The following ADGRL3 variants were observed in gnomAD, a reference collection of about 807,000 sequenced individuals.
ADGRL3 encodes calcium-independent alpha-latrotoxin receptor 3.
In ADGRL3, 62 loss-of-function variants were observed where a neutral mutation model predicts 153.5. That is an observed-to-expected ratio of 0.40 (90% CI 0.33 to 0.50). The LOEUF is 0.50. ADGRL3 is among the 20% of genes least tolerant of loss of function. The pLI is 0.47. For synonymous variants in ADGRL3, 710 were observed against 672.5 expected, an observed-to-expected ratio of 1.06 and a Z score of -0.86; for missense variants, 1,641 against 1,859.4, an observed-to-expected ratio of 0.88 and a Z score of 2.16.
At chr4:61,747,871 G>A (rs140917494) in intron 8 of ADGRL3, among the ~76,000 whole-genome samples, 6,156 of 152,020 alleles carry the variant, frequency 0.04, 157 homozygotes, top group Non-Finnish European at 0.059. Flanking sequence ...AATCAAGCAG[G>A]AGAAGGAAAT....
chr4:61,989,627 A>G (rs1284460489), intron 19 of ADGRL3, among the ~76,000 whole-genome samples: 1 of 152,090 alleles, frequency 6.6e-6, no homozygotes, highest in East Asian at 1.9e-4. Context: ...AATTATCATC[A>G]TATCTAAGAA....
At chr4:61,250,475 A>G (rs569955102) in intron 1 of ADGRL3, among the ~76,000 whole-genome samples, 1 of 152,132 alleles carries the variant, frequency 6.6e-6, no homozygotes, top group Admixed American at 6.5e-5. Context: ...TGTAGCCTGG[A>G]TAGTAAGGGC....
At chr4:61,536,610 T>G (rs1299390935) in intron 4 of ADGRL3, among the ~76,000 whole-genome samples, 1 of 152,136 alleles carries the variant, frequency 6.6e-6, no homozygotes, top group Non-Finnish European at 1.5e-5. Context: ...ATCTTCTTGT[T>G]GCATTGAACC....
intron 9 of ADGRL3, among the ~76,000 whole-genome samples, chr4:61,859,131 A>G (rs2098313317): frequency 6.6e-6 from 1 of 152,100 alleles, no homozygotes; most frequent in African/African-American, 2.4e-5. Flanking sequence ...CCTTCTTTGT[A>G]TTTTTCAGTG....
chr4:61,247,837 A>G (rs1249965549), intron 1 of ADGRL3, among the ~76,000 whole-genome samples: 4 of 152,074 alleles, frequency 2.6e-5, no homozygotes, highest in African/African-American at 4.8e-5. Flanking sequence ...ATACATCAGG[A>G]GCAATTGTCA....
chr4:61,207,647 T>TA (rs1168989677), intron 1 of ADGRL3, among the ~76,000 whole-genome samples: 1 of 152,214 alleles, frequency 6.6e-6, no homozygotes, highest in East Asian at 1.9e-4. Context: ...ATGGTTGAAC[T>TA]AATTTACACT....
chr4:61,747,732 C>A (rs1319178990), intron 8 of ADGRL3, among the ~76,000 whole-genome samples: 6 of 148,934 alleles, frequency 4.0e-5, no homozygotes, highest in Admixed American at 6.7e-5. Context: ...CTATCTATGA[C>A]AAACCCACAG....
At chr4:61,988,050 TATC>T (rs2099091820) in intron 19 of ADGRL3, among the ~76,000 whole-genome samples, 1 of 152,124 alleles carries the variant, frequency 6.6e-6, no homozygotes, top group Non-Finnish European at 1.5e-5. Flanking sequence ...TGGAGATAAA[TATC>T]ATATTCCATC....
chr4:61,509,124 CTTTT>C (rs57550950), intron 3 of ADGRL3, among the ~76,000 whole-genome samples: 1 of 118,570 alleles, frequency 8.4e-6, no homozygotes. Context: ...CATATCACAT[CTTTT>C]TTTTTTTTTT....
intron 6 of ADGRL3, among the ~76,000 whole-genome samples, chr4:61,728,520 G>A (rs1299341389): frequency 6.6e-6 from 1 of 152,012 alleles, no homozygotes; most frequent in Non-Finnish European, 1.5e-5. Context: ...AGTATTTGTT[G>A]AAGAGAGAAA....
chr4:61,803,239 T>A (rs1373023462), intron 8 of ADGRL3, among the ~76,000 whole-genome samples: 1 of 152,162 alleles, frequency 6.6e-6, no homozygotes, highest in Non-Finnish European at 1.5e-5. Context: ...TGAGCCTTTG[T>A]TTATGGAAGA....
intron 2 of ADGRL3, among the ~76,000 whole-genome samples, chr4:61,494,955 C>A (rs1011191726): frequency 6.6e-6 from 1 of 152,064 alleles, no homozygotes; most frequent in East Asian, 1.9e-4. Flanking sequence ...CTACCACATG[C>A]CAGCACTGTT....
At chr4:61,366,790 G>A (rs2151603499) in intron 1 of ADGRL3, among the ~76,000 whole-genome samples, 1 of 152,154 alleles carries the variant, frequency 6.6e-6, no homozygotes, top group Non-Finnish European at 1.5e-5. Flanking sequence ...TATTGCTGTT[G>A]CTTTGTTATT....
chr4:61,465,860 G>A (rs949887313), intron 2 of ADGRL3, among the ~76,000 whole-genome samples: 8 of 150,572 alleles, frequency 5.3e-5, no homozygotes, highest in African/African-American at 1.9e-4. Context: ...AGTGTCTCAC[G>A]CCTGTAACCC....
At chr4:61,778,963 TAGG>T (rs2097183377) in intron 8 of ADGRL3, among the ~76,000 whole-genome samples, 1 of 151,570 alleles carries the variant, frequency 6.6e-6, no homozygotes, top group Admixed American at 6.6e-5. Flanking sequence ...GAGGCCGAGT[TAGG>T]AGAACCGCTT....
intron 1 of ADGRL3, among the ~76,000 whole-genome samples, chr4:61,285,355 G>A (rs1204545888): frequency 2.0e-5 from 3 of 151,794 alleles, no homozygotes; most frequent in Non-Finnish European, 4.4e-5. Flanking sequence ...TGTGTTTCAA[G>A]TCAACTACTT....
rs562772466 is a variant in ADGRL3, at chr4:61,901,422, C to T, written c.1887+5588C>T. ...TAGAAACTAGGTTGAATCCTGTCTC[C>T]TATATCTTAAATTCCCCATTTTATC... On this transcript the variant is annotated intron_variant, in intron 11 of 26. Transcript: ENST00000683033. Among the ~76,000 whole-genome samples the T allele has an allele frequency of 8.5e-5, 13 of 152,268 alleles. No individual in the cohort carries two copies. The East Asian group carries it at 2.5e-3, about 29-fold the overall frequency.
rs2098675838 is a variant in ADGRL3 at position 61,539,250 on chromosome 4, G to A, written c.259+21732G>A. On this transcript the variant is annotated intron_variant, in intron 4 of 26. Transcript: ENST00000683033. ...CAGCTGCCGCAAAATGCACAGAGTG[G>A]CTGTCTCCGGGGCACTGATGCCAGC... Among the ~76,000 whole-genome samples, 6 of 152,328 alleles carry A rather than the reference G, an allele frequency of 3.9e-5. No individual in the cohort carries two copies. The South Asian group carries it at 1.2e-3, about 32-fold the overall frequency.
At chr4:61,373,095 G>C (rs2096559010) in intron 1 of ADGRL3, among the ~76,000 whole-genome samples, 1 of 152,082 alleles carries the variant, frequency 6.6e-6, no homozygotes, top group Admixed American at 6.5e-5. Flanking sequence ...GCTCGTGCAG[G>C]GTGCGCACAC....
Sources: allele counts gnomAD v4.1 joint callset (sites outside exome capture counted in the v4.1 genomes callset), GRCh38; gene constraint gnomAD v4.1.1; transcripts MANE v1.5; gene names NCBI Gene and HGNC (gene_info 2026-07-23, HGNC 2026-07-21).